The following LRFN5 variants were observed in gnomAD, a reference collection of about 807,000 sequenced individuals.
The protein encoded by LRFN5 is leucine-rich repeat and fibronectin type-III domain-containing protein 5.
In LRFN5, 24 loss-of-function variants were observed where a neutral mutation model predicts 45.6. That is an observed-to-expected ratio of 0.53 (90% CI 0.38 to 0.74). The LOEUF is 0.74. Ranked by LOEUF, LRFN5 falls within the 30% of genes least tolerant of loss-of-function variation. The pLI, the probability that LRFN5 is intolerant of heterozygous loss-of-function variation, is 0.00. For synonymous variants in LRFN5, 340 were observed against 313.8 expected (o/e 1.08, Z -0.88); for missense variants, 776 against 861.5 (o/e 0.90, Z 1.24).
intron 1 of LRFN5, among the ~76,000 whole-genome samples, chr14:41,647,295 A>T (rs946001816): frequency 2.0e-5 from 3 of 152,200 alleles, no homozygotes; most frequent in Non-Finnish European, 2.9e-5. Context: ...GCCCCATATA[A>T]TGAAGACCCA....
intron 1 of LRFN5, among the ~76,000 whole-genome samples, chr14:41,623,867 T>C (rs955351934): frequency 8.5e-5 from 13 of 152,052 alleles, no homozygotes; most frequent in Admixed American, 5.9e-4. Context: ...TTGGTCAGAG[T>C]ACTCTAAAAT....
intron 1 of LRFN5, among the ~76,000 whole-genome samples, chr14:41,627,051 T>A (rs1242341370): frequency 1.3e-5 from 2 of 152,138 alleles, no homozygotes; most frequent in African/African-American, 4.8e-5. Context: ...ATAAACTTGA[T>A]CAACAGTATA....
At chr14:41,883,092 C>T (rs1390826665) in intron 2 of LRFN5, among the ~76,000 whole-genome samples, 3 of 148,286 alleles carry the variant, frequency 2.0e-5, no homozygotes, top group Non-Finnish European at 4.4e-5. Context: ...CGTAATCTGT[C>T]CCCCCGACCC....
At chr14:41,844,385 G>C (rs144126612) in intron 2 of LRFN5, among the ~76,000 whole-genome samples, 4,603 of 150,514 alleles carry the variant, frequency 0.031, 83 homozygotes, top group South Asian at 0.074. Context: ...TGCAGTGAGC[G>C]GAGATCTTGC....
chr14:41,661,146 T>C (rs1283757740), intron 1 of LRFN5, among the ~76,000 whole-genome samples: 1 of 151,744 alleles, frequency 6.6e-6, no homozygotes, highest in Non-Finnish European at 1.5e-5. Context: ...AAAGAGATAT[T>C]GTAGACAACT....
chr14:41,740,146 G>T (rs551581315), intron 1 of LRFN5, among the ~76,000 whole-genome samples: 22 of 152,052 alleles, frequency 1.4e-4, no homozygotes, highest in African/African-American at 5.3e-4. Context: ...TCCTTCTCAA[G>T]ATTATCCAGA....
chr14:41,888,059 G>T lies in LRFN5; in HGVS notation c.1385+49G>T. 2.1e-6 allele frequency: 3 copies of T among 1,428,712 alleles called. No homozygotes were observed. The South Asian group carries it at 4.1e-5, about 19-fold the overall frequency. The allele number at this position is 1,428,712 out of a possible 1,614,324, so 88.5% of individuals were successfully genotyped here. On this transcript the variant is annotated intron_variant, in intron 3 of 5. Transcript: ENST00000298119. ...TATACTTACCATGCATCTTAGTGTA[G>T]AATTTGTTAATGTACTACTGATTTT... is the stretch of plus-strand genomic sequence containing the variant.
At chr14:41,688,973 G>C (rs1882245754) in intron 1 of LRFN5, among the ~76,000 whole-genome samples, 1 of 151,560 alleles carries the variant, frequency 6.6e-6, no homozygotes, top group Non-Finnish European at 1.5e-5. Context: ...ACTGTAGTTG[G>C]AGTCCCAGCT....
chr14:41,863,066 G>A (rs528559651), intron 2 of LRFN5, among the ~76,000 whole-genome samples: 73 of 151,638 alleles, frequency 4.8e-4, no homozygotes, highest in African/African-American at 1.2e-3. Flanking sequence ...GAGTTTCACC[G>A]TATTAGCCAG....
intron 1 of LRFN5, among the ~76,000 whole-genome samples, chr14:41,653,654 G>T (rs1027485226): frequency 2.0e-5 from 3 of 152,102 alleles, no homozygotes; most frequent in Admixed American, 6.6e-5. Flanking sequence ...CGCATTGAAA[G>T]TTTGAGGCAG....
chr14:41,872,247 T>A (rs894255789), intron 2 of LRFN5, among the ~76,000 whole-genome samples: 3 of 152,218 alleles, frequency 2.0e-5, no homozygotes, highest in African/African-American at 7.2e-5. Context: ...ATCACTAATG[T>A]GGATGATTTA....
chr14:41,857,859 T>G (rs1409561748), intron 2 of LRFN5, among the ~76,000 whole-genome samples: 1 of 152,056 alleles, frequency 6.6e-6, no homozygotes, highest in East Asian at 1.9e-4. Context: ...AAACTTGAAG[T>G]TTGAAAATAA....
intron 1 of LRFN5, among the ~76,000 whole-genome samples, chr14:41,722,409 C>A (rs1271864842): frequency 6.6e-6 from 1 of 152,042 alleles, no homozygotes; most frequent in Non-Finnish European, 1.5e-5. Context: ...CTAGTGTGAT[C>A]CATTGGTTGT....
intron 1 of LRFN5, among the ~76,000 whole-genome samples, chr14:41,690,433 G>A (rs891457466): frequency 3.3e-5 from 5 of 152,040 alleles, no homozygotes; most frequent in Non-Finnish European, 7.4e-5. Context: ...TGCACCTGTA[G>A]TCGCAGCTAC....
intron 1 of LRFN5, among the ~76,000 whole-genome samples, chr14:41,674,847 G>C (rs1020725243): frequency 9.2e-5 from 14 of 151,410 alleles, no homozygotes; most frequent in Non-Finnish European, 1.9e-4. Flanking sequence ...CTTCTCAGAC[G>C]GGGCGGTTGC....
At chr14:41,807,018 C>T (rs1167006204) in intron 2 of LRFN5, among the ~76,000 whole-genome samples, 2 of 152,116 alleles carry the variant, frequency 1.3e-5, no homozygotes, top group Non-Finnish European at 2.9e-5. Context: ...TTACTACTTA[C>T]CTAGCACCTT....
intron 2 of LRFN5, among the ~76,000 whole-genome samples, chr14:41,839,275 G>A (rs17181741): frequency 0.15 from 23,443 of 151,892 alleles, 1,994 homozygotes; most frequent in Non-Finnish European, 0.19. Flanking sequence ...CAGCAGATGT[G>A]GTGTCCTAGT....
At chr14:41,622,605 C>G (rs187335382) in intron 1 of LRFN5, among the ~76,000 whole-genome samples, 1 of 151,848 alleles carries the variant, frequency 6.6e-6, no homozygotes, top group Admixed American at 6.6e-5. Context: ...AAACAAGCTA[C>G]AAGGTTGTGG....
intron 2 of LRFN5, among the ~76,000 whole-genome samples, chr14:41,837,194 C>CAAAA (rs5808157): frequency 0.013 from 953 of 75,152 alleles, 25 homozygotes; most frequent in African/African-American, 0.028. Context: ...ACACACTCCA[C>CAAAA]AAAAAAAAAA....
Sources: allele counts gnomAD v4.1 joint callset (sites outside exome capture counted in the v4.1 genomes callset), GRCh38; gene constraint gnomAD v4.1.1; transcripts MANE v1.5; gene names NCBI Gene and HGNC (gene_info 2026-07-23, HGNC 2026-07-21).